The following LRP4 variants were observed in gnomAD, a reference collection of about 807,000 sequenced individuals.
LRP4 encodes LDL receptor related protein 4.
LRP4 carries 95 observed loss-of-function variants against 220.3 expected under a neutral mutation model. That is an observed-to-expected ratio of 0.43 (90% CI 0.37 to 0.51). LRP4 has a LOEUF of 0.51. Ranked by LOEUF, LRP4 falls within the 20% of genes least tolerant of loss-of-function variation. The pLI is 0.00. For missense variants in LRP4, 1,925 were observed against 2,567.0 expected, an observed-to-expected ratio of 0.75 and a Z score of 5.40; for synonymous variants, 903 against 954.6, an observed-to-expected ratio of 0.95 and a Z score of 1.00.
At chr11:46,877,436 T>A in intron 22 of LRP4, 97 bp from the exon 23 acceptor site, 2 of 1,265,874 alleles carry the variant, frequency 1.6e-6, no homozygotes, top group Non-Finnish European at 2.3e-6. Flanking sequence ...TCCCTGCTAG[T>A]TTCTAGCTAT....
At chr11:46,863,814 C>T (rs1940623998) in intron 36 of LRP4, among the ~76,000 whole-genome samples, 1 of 151,982 alleles carries the variant, frequency 6.6e-6, no homozygotes. Flanking sequence ...AGATCCTCAT[C>T]TGTAAAGTGA....
In LRP4 at chr11:46,902,935, C is replaced by T. The variant is rs778431887; in HGVS notation, c.53-6G>A. On this transcript the variant is annotated splice_polypyrimidine_tract_variant and splice_region_variant and intron_variant, in intron 1 of 37. Coordinates refer to ENST00000378623, the MANE Select transcript of LRP4 (RefSeq NM_002334.4). ...CTCGGGGCTGCTGGCCAGGCCTGGG[C>T]GGAGGGAAAAGGAATCAGTGAGGGC... The T allele has an allele frequency of 1.7e-5, 28 of 1,613,894 alleles. No homozygotes were observed. Among genetic ancestry groups the T allele is most frequent in the Middle Eastern group, 1.6e-4 (1 of 6,062 alleles).
At chr11:46,868,753 T>G (rs775141195) in intron 32 of LRP4, 40 bp from the exon 33 acceptor site, 1 of 1,455,526 alleles carries the variant, frequency 6.9e-7, no homozygotes, top group South Asian at 1.1e-5. Flanking sequence ...TGGGACAGAA[T>G]CAGGTCTCCC....
chr11:46,878,786 C>T (rs1464089267), intron 22 of LRP4, 121 bp downstream of exon 22: 9 of 1,437,982 alleles, frequency 6.3e-6, no homozygotes, highest in Middle Eastern at 2.4e-4. Flanking sequence ...TCCCCTGGGC[C>T]TCTAGAAGCA....
At chr11:46,887,258 T>C (rs1941316057) in intron 16 of LRP4, among the ~76,000 whole-genome samples, 1 of 152,238 alleles carries the variant, frequency 6.6e-6, no homozygotes, top group Admixed American at 6.5e-5. Context: ...TAGACTTTTC[T>C]ATCCAGAAAG....
At chr11:46,876,363 T>C (rs963208324) in intron 25 of LRP4, 103 bp downstream of exon 25, 23 of 1,399,336 alleles carry the variant, frequency 1.6e-5, no homozygotes, top group South Asian at 2.3e-5. Context: ...GGTCACCTTG[T>C]TTCTGTGATG....
In LRP4 at chr11:46,890,390, T is replaced by C. The variant is rs1251093617; in HGVS notation, c.1802A>G (p.Asn601Ser). 1 of 1,614,138 alleles carries C rather than the reference T, an allele frequency of 6.2e-7. No homozygotes were observed. Among genetic ancestry groups the C allele is most frequent in the East Asian group, 2.2e-5 (1 of 44,874 alleles). Residue 601 changes from asparagine (N) to serine (S), a missense_variant, in exon 14 of 38, where the codon AAT becomes AGT. Asn to Ser is a conservative substitution (Grantham distance 46, BLOSUM62 1). Around this residue, in one of 3 missense-constraint regions of LRP4, gnomAD observed 269 missense variants for 436.7 expected, o/e 0.62. Coordinates refer to ENST00000378623, the MANE Select transcript of LRP4 (RefSeq NM_002334.4). This position sits in a 1 kb window ranked among gnomAD's most constrained non-coding sequence, Gnocchi z 5.3. ...CCCGGCATAGTCGATGGTGAGGCCA[T>C]TGGGCCAGAAGAGATGGGTATCGGC... ...IIADTHLFWP[N>S]GLTIDYAGRR...
At chr11:46,864,112 G>A (rs1940631238) in intron 36 of LRP4, among the ~76,000 whole-genome samples, 2 of 152,200 alleles carry the variant, frequency 1.3e-5, no homozygotes, top group Non-Finnish European at 2.9e-5. Flanking sequence ...TTGAAGCAGG[G>A]AGTACTGGAA....
In LRP4 at chr11:46,885,079, G is replaced by A. The variant is rs147730461; in HGVS notation, c.2506+1012C>T. ...TGGCTCACTGCAGCCTTGAACTCCCGGATTCAAGCAATCCTCCCACTTCAG... is the reference window on the plus strand; with the variant it reads ...TGGCTCACTGCAGCCTTGAACTCCCAGATTCAAGCAATCCTCCCACTTCAG... On this transcript the variant is annotated intron_variant, in intron 18 of 37. Transcript: ENST00000378623. 7.9e-5 allele frequency among the ~76,000 whole-genome samples: 12 copies of A among 152,110 alleles called. No homozygotes were observed. The East Asian group carries it at 1.7e-3, about 22-fold the overall frequency.
Position 46,887,172 on chromosome 11 carries a change from C to T in LRP4, c.2216-639G>A, listed in dbSNP as rs114308352. On this transcript the variant is annotated intron_variant, in intron 16 of 37. Coordinates refer to ENST00000378623, the MANE Select transcript of LRP4 (RefSeq NM_002334.4). ...CTCCAGAGAAAGAGCTCTGGCCACT[C>T]CTCTACGTAGTTTACTTCCAGCCAG... is the stretch of plus-strand genomic sequence containing the variant. Among the ~76,000 whole-genome samples the T allele has an allele frequency of 9.6e-3, 1,466 of 152,278 alleles. 23 individuals carry two copies. Among genetic ancestry groups the T allele is most frequent in the African/African-American group, 0.034 (1,407 of 41,536 alleles).
At chr11:46,867,943 T>C in intron 34 of LRP4, 36 bp downstream of exon 34, 1 of 1,613,870 alleles carries the variant, frequency 6.2e-7, no homozygotes, top group Non-Finnish European at 8.5e-7. Context: ...GTGATTTGAA[T>C]CAAAGGGCCC....
At chr11:46,903,505 A>G (rs1388341041) in intron 1 of LRP4, among the ~76,000 whole-genome samples, 1 of 152,098 alleles carries the variant, frequency 6.6e-6, no homozygotes, top group Non-Finnish European at 1.5e-5. Flanking sequence ...AAAAAGAAAA[A>G]AAGAAACAAC....
In LRP4 at chr11:46,898,581, T is replaced by G. The variant is rs1168552978; in HGVS notation, c.773A>C (p.Asp258Ala). The change falls in exon 7 of 38, where the codon GAC becomes GCC. Residue 258 changes from aspartate (D) to alanine (A), a missense_variant. Transcript: ENST00000378623. ...ACTGCAGTTGCGCTCATCAGACTGGTCATCACAGTCCGCGTCACCATCGCA... is the reference window on the plus strand; with the variant it reads ...ACTGCAGTTGCGCTCATCAGACTGGGCATCACAGTCCGCGTCACCATCGCA... ...WRCDGDADCD[D>A]QSDERNCTTS... 1 of 1,614,124 alleles carries G rather than the reference T, an allele frequency of 6.2e-7. No homozygotes were observed. The highest frequency in any genetic ancestry group is 2.2e-5 in the East Asian group (1 of 44,862).
chr11:46,859,273 C>A lies in LRP4; in HGVS notation c.5428G>T (p.Val1810Leu). The A allele has an allele frequency of 1.9e-6, 3 of 1,614,120 alleles. No homozygotes were observed. The highest frequency in any genetic ancestry group is 1.7e-5 in the Admixed American group (1 of 60,006). ...HNYTKEKIKI[V>L]EGICLLSGDD... ...CCAGACAGGAGGCAGATTCCCTCTA[C>A]GATCTTGATCTTCTCCTTGGTGTAG... The change falls in exon 38 of 38, where the codon GTA (valine) becomes TTA (leucine). Residue 1810 changes from valine to leucine, a missense_variant. Coordinates refer to ENST00000378623, the MANE Select transcript of LRP4 (RefSeq NM_002334.4).
intron 1 of LRP4, among the ~76,000 whole-genome samples, chr11:46,910,201 G>A (rs2134883250): frequency 6.6e-6 from 1 of 152,234 alleles, no homozygotes; most frequent in East Asian, 1.9e-4. Flanking sequence ...AAAGTTATGA[G>A]GCAGAAGAAC....
At chr11:46,911,117 AGGG>A (rs1366361813) in intron 1 of LRP4, among the ~76,000 whole-genome samples, 1 of 152,222 alleles carries the variant, frequency 6.6e-6, no homozygotes, top group African/African-American at 2.4e-5. Flanking sequence ...TCTATTTCAT[AGGG>A]TTGCTGGGAG....
chr11:46,868,040 G>C lies in LRP4; in HGVS notation c.5026C>G (p.Pro1676Ala). Residue 1676 changes from proline (P) to alanine (A), a missense_variant, in exon 34 of 38, where the codon CCT (proline) becomes GCT (alanine). By Grantham distance (27) the Pro-to-Ala change is conservative. Around this residue, in one of 3 missense-constraint regions of LRP4, gnomAD observed 1,244 missense variants for 1,624.9 expected, o/e 0.77. Coordinates refer to ENST00000378623, the MANE Select transcript of LRP4 (RefSeq NM_002334.4). The stretch of plus-strand genomic sequence containing the variant: ...GTGGTTGAAGAATACAAGGTGGTAG[G>C]TGGTGTGTTGGGTAGCACTGGGCTC... ...EKSPVLPNTP[P>A]TTLYSSTTRT... 1.2e-6 allele frequency: 2 copies of C among 1,614,162 alleles called. No homozygotes were observed. The highest frequency in any genetic ancestry group is 1.7e-6 in the Non-Finnish European group (2 of 1,180,026).
In LRP4 at chr11:46,898,663, A is replaced by C; in HGVS notation, c.691T>G (p.Cys231Gly). 6.2e-7 allele frequency: 1 copy of C among 1,614,152 alleles called. No individual in the cohort carries two copies. The highest frequency in any genetic ancestry group is 8.5e-7 in the Non-Finnish European group (1 of 1,180,032). ...DESDCSSHQP[C>G]RSGEFMCDSG... ...TCACACATGAACTCCCCAGAGCGGC[A>C]GGGCTGGTGGGAGGCTAGGGAAACA... Residue 231 changes from cysteine to glycine, a missense_variant, in exon 7 of 38, where the codon TGC (cysteine) becomes GGC (glycine). Physicochemically the swap from Cys to Gly is radical, Grantham distance 159 (BLOSUM62 -3). Around this residue, in one of 3 missense-constraint regions of LRP4, gnomAD observed 412 missense variants for 505.4 expected, o/e 0.82. Coordinates refer to ENST00000378623, the MANE Select transcript of LRP4 (RefSeq NM_002334.4).
intron 18 of LRP4, among the ~76,000 whole-genome samples, chr11:46,884,199 T>C (rs1256961346): frequency 1.3e-5 from 2 of 152,230 alleles, no homozygotes; most frequent in African/African-American, 2.4e-5. Context: ...TTCCCAAACA[T>C]AGGCAACCAT....
Sources: gnomAD v4.1 joint callset for allele counts (sites outside exome capture counted in the v4.1 genomes callset) on GRCh38, gnomAD v4.1.1 for gene constraint, gnomAD v4.1.1 regional missense constraint, Gnocchi (gnomAD v3.1) non-coding constraint, MANE v1.5 for transcripts, NCBI Gene and HGNC (gene_info 2026-07-23, HGNC 2026-07-21) for gene names.